The following CNTN4 variants were observed in gnomAD, a reference collection of about 807,000 sequenced individuals.
CNTN4 encodes the protein contactin 4, also known as contactin-4.
A neutral mutation model predicts 122.5 loss-of-function variants in CNTN4; 77 were observed. The observed-to-expected ratio is 0.63, with a 90% confidence interval of 0.52 to 0.76. CNTN4 has a LOEUF of 0.76. CNTN4 is among the 30% of genes least tolerant of loss of function. The pLI is 0.00. For synonymous variants in CNTN4, 512 were observed against 447.0 expected (o/e 1.15, Z -1.83); for missense variants, 1,256 against 1,259.1 (o/e 1.00, Z 0.04).
chr3:2,658,908 T>C (rs947058349), intron 4 of CNTN4, among the ~76,000 whole-genome samples: 1 of 151,144 alleles, frequency 6.6e-6, no homozygotes, highest in East Asian at 2.0e-4. Context: ...TAAGAATAAA[T>C]ACCTACTTGC....
At chr3:2,375,105 G>T (rs1044012460) in intron 3 of CNTN4, among the ~76,000 whole-genome samples, 4 of 152,194 alleles carry the variant, frequency 2.6e-5, no homozygotes, top group East Asian at 3.8e-4. Flanking sequence ...TTTTATGATT[G>T]CATATTAACT....
At chr3:2,656,624 A>G (rs1439413728) in intron 4 of CNTN4, among the ~76,000 whole-genome samples, 1 of 152,264 alleles carries the variant, frequency 6.6e-6, no homozygotes, top group East Asian at 1.9e-4. Context: ...TGTGACAATT[A>G]TAATGTGACA....
intron 20 of CNTN4, among the ~76,000 whole-genome samples, chr3:3,041,866 G>A (rs566657672): frequency 2.0e-5 from 3 of 152,258 alleles, no homozygotes; most frequent in African/African-American, 7.2e-5. Context: ...AGGCTGAGGC[G>A]GGAGGATGGC....
At position 2,928,914 on chromosome 3, in the gene CNTN4, C is replaced by A. The variant is rs542623411; in HGVS notation, c.1358+3135C>A. On this transcript the variant is annotated intron_variant, in intron 13 of 24. Coordinates refer to ENST00000418658, the MANE Select transcript of CNTN4 (RefSeq NM_175607.3). ...CTAAGTGGATATAGATTCAGAAACA[C>A]TGGTTTAACATTAACATGTTCGTTA... Among the ~76,000 whole-genome samples, 7 of 152,274 alleles carry A rather than the reference C, an allele frequency of 4.6e-5. No individual in the cohort carries two copies. In the East Asian group the frequency reaches 1.3e-3, roughly 29 times the overall value.
intron 7 of CNTN4, among the ~76,000 whole-genome samples, chr3:2,850,319 A>G (rs553493291): frequency 1.3e-5 from 2 of 152,336 alleles, no homozygotes; most frequent in South Asian, 2.1e-4. Flanking sequence ...CTACAGTAGC[A>G]TGGTAAACAG....
At chr3:2,882,565 C>G (rs930577644) in intron 8 of CNTN4, among the ~76,000 whole-genome samples, 1 of 152,038 alleles carries the variant, frequency 6.6e-6, no homozygotes, top group Non-Finnish European at 1.5e-5. Context: ...TTTTCTGTAG[C>G]TGTATCTTGT....
intron 3 of CNTN4, among the ~76,000 whole-genome samples, chr3:2,498,414 C>A (rs1188636411): frequency 6.6e-6 from 1 of 152,264 alleles, no homozygotes; most frequent in Middle Eastern, 3.4e-3. Flanking sequence ...TTCTCCACAT[C>A]TTCCCTAGCA....
intron 3 of CNTN4, among the ~76,000 whole-genome samples, chr3:2,358,940 A>G (rs534064229): frequency 2.0e-5 from 3 of 152,264 alleles, no homozygotes; most frequent in Admixed American, 6.5e-5. Flanking sequence ...TCTCACAATT[A>G]CGTGAGCCTC....
chr3:2,525,674 TTAGTAAGTA>T (rs1045058978), intron 3 of CNTN4, among the ~76,000 whole-genome samples: 2 of 152,194 alleles, frequency 1.3e-5, no homozygotes, highest in Non-Finnish European at 2.9e-5. Context: ...GATTTTCCAT[TTAGTAAGTA>T]TTATTACTAG....
At chr3:2,553,842 T>A (rs1334159761) in intron 3 of CNTN4, among the ~76,000 whole-genome samples, 1 of 152,198 alleles carries the variant, frequency 6.6e-6, no homozygotes, top group Non-Finnish European at 1.5e-5. Context: ...AACAGGTTGG[T>A]TCTAGCCACT....
At chr3:2,165,275 A>G (rs1316899379) in intron 2 of CNTN4, among the ~76,000 whole-genome samples, 3 of 151,968 alleles carry the variant, frequency 2.0e-5, no homozygotes, top group East Asian at 1.9e-4. Context: ...GTGAGCTGAG[A>G]TCGCGCCATT....
At chr3:2,705,748 TATA>T (rs1266135327) in intron 4 of CNTN4, among the ~76,000 whole-genome samples, 1 of 102,348 alleles carries the variant, frequency 9.8e-6, no homozygotes, top group Non-Finnish European at 1.7e-5. Context: ...ATATATATGA[TATA>T]TAATATATAA....
At chr3:3,051,607 G>C (rs1463076195) in intron 23 of CNTN4, among the ~76,000 whole-genome samples, 1 of 152,148 alleles carries the variant, frequency 6.6e-6, no homozygotes, top group Non-Finnish European at 1.5e-5. Flanking sequence ...ATGTGCCTGA[G>C]GATTTATCTG....
intron 2 of CNTN4, among the ~76,000 whole-genome samples, chr3:2,140,751 G>T (rs971899331): frequency 5.3e-5 from 8 of 152,018 alleles, no homozygotes; most frequent in Non-Finnish European, 7.4e-5. Context: ...CTCCTTTTTT[G>T]GTACAAAGCT....
intron 14 of CNTN4, among the ~76,000 whole-genome samples, chr3:3,024,537 C>G (rs1163006306): frequency 2.0e-5 from 3 of 151,964 alleles, no homozygotes; most frequent in Non-Finnish European, 4.4e-5. Flanking sequence ...CTGGCAGTAC[C>G]TGTTGTTCAC....
intron 13 of CNTN4, among the ~76,000 whole-genome samples, chr3:2,932,319 A>G (rs537019180): frequency 4.8e-4 from 73 of 152,302 alleles, no homozygotes; most frequent in African/African-American, 1.3e-3. Context: ...CGGAGCTTGC[A>G]GTGAGCCGAG....
At chr3:2,411,758 T>G (rs1017268246) in intron 3 of CNTN4, among the ~76,000 whole-genome samples, 1 of 152,232 alleles carries the variant, frequency 6.6e-6, no homozygotes, top group East Asian at 1.9e-4. Flanking sequence ...TATGTAAGTT[T>G]CAAATTTTTG....
chr3:2,776,641 A>G (rs1183336820), intron 6 of CNTN4, among the ~76,000 whole-genome samples: 2 of 152,138 alleles, frequency 1.3e-5, no homozygotes, highest in Admixed American at 6.5e-5. Context: ...GAGGAAAGGG[A>G]CTGTGTCTTC....
intron 2 of CNTN4, among the ~76,000 whole-genome samples, chr3:2,333,037 C>T (rs894250975): frequency 4.6e-5 from 7 of 152,156 alleles, no homozygotes; most frequent in Non-Finnish European, 1.0e-4. Context: ...GTCCTATAGA[C>T]TGGAGCATCT....
Sources: gnomAD v4.1 joint callset for allele counts (sites outside exome capture counted in the v4.1 genomes callset) on GRCh38, gnomAD v4.1.1 for gene constraint, MANE v1.5 for transcripts, NCBI Gene and HGNC (gene_info 2026-07-23, HGNC 2026-07-21) for gene names.